Variants in FAM118A observed in about 807,000 individuals in gnomAD.
FAM118A encodes the protein SIR2 antiphage like 2.
Under a neutral mutation model 38.2 loss-of-function variants are expected in FAM118A, and 25 were observed. The observed-to-expected ratio is 0.65, with a 90% CI of 0.48 to 0.91. The LOEUF is 0.91. FAM118A is among the 40% of genes least tolerant of loss of function. The probability of loss-of-function intolerance (pLI) is 0.00; values close to 1 mark genes in which losing one functional copy is unlikely to be tolerated. For missense variants in FAM118A, 425 were observed against 463.3 expected, an observed-to-expected ratio of 0.92 and a Z score of 0.76; for synonymous variants, 178 against 184.1, an observed-to-expected ratio of 0.97 and a Z score of 0.27.
chr22:45,330,749 T>C lies in FAM118A; in HGVS notation c.651+18T>C. On this transcript the variant is annotated intron_variant, in intron 5 of 8. Transcript: ENST00000441876. ...AAGTCATGGTACGGCCCGTCCTAAT[T>C]AGCATCGGTGCGTCCTCTCAGGGAT... is the stretch of plus-strand genomic sequence containing the variant. 1 of 1,526,328 alleles carries C rather than the reference T, an allele frequency of 6.6e-7. No homozygotes were observed. 94.5% of individuals were successfully genotyped at this position (1,526,328 alleles called of 1,614,324 possible). A position where few individuals can be genotyped will look rare whatever the true frequency, so the allele number is the denominator to read the frequency against.
chr22:45,321,461 G>A (rs1336070291), intron 1 of FAM118A: 3 of 151,990 alleles, frequency 2.0e-5, no homozygotes, highest in Non-Finnish European at 4.4e-5. Context: ...GCCCAGGCTG[G>A]AGTGGAGTGG....
intron 1 of FAM118A, chr22:45,322,049 T>A: frequency 2.1e-6 from 1 of 479,818 alleles, no homozygotes; most frequent in South Asian, 2.0e-5. Flanking sequence ...TAGAGCAGTG[T>A]CCCAAGAGAC....
chr22:45,331,260 G>A (rs560983090), intron 5 of FAM118A, among the ~76,000 whole-genome samples: 1 of 152,234 alleles, frequency 6.6e-6, no homozygotes, highest in East Asian at 1.9e-4. Context: ...GGAGGGAGAG[G>A]CTATGGTGAA....
chr22:45,322,544 G>A, intron 2 of FAM118A, 118 bp downstream of exon 2: 1 of 902,066 alleles, frequency 1.1e-6, no homozygotes, highest in South Asian at 1.6e-5. Context: ...GAAACACTGG[G>A]GCATGAGAGA....
chr22:45,326,946 G>A (rs1237845674), intron 3 of FAM118A, among the ~76,000 whole-genome samples: 1 of 151,570 alleles, frequency 6.6e-6, no homozygotes, highest in Non-Finnish European at 1.5e-5. Context: ...GGAGATCAAG[G>A]CTGCAGAGGG....
chr22:45,326,863 A>G (rs932364098), intron 3 of FAM118A, among the ~76,000 whole-genome samples: 14 of 26,224 alleles, frequency 5.3e-4, no homozygotes, highest in Non-Finnish European at 7.6e-4. Context: ...AAAATTAACT[A>G]GGTGTTATGG....
In FAM118A at chr22:45,336,320, T is replaced by C; in HGVS notation, c.971-8T>C. ...AAACAAGCTTCTTAATAAATTCTTCTCTTTTAGGTAATGCATGCCAGGACT... is the reference window on the plus strand; with the variant it reads ...AAACAAGCTTCTTAATAAATTCTTCCCTTTTAGGTAATGCATGCCAGGACT... On this transcript the variant is annotated splice_polypyrimidine_tract_variant and splice_region_variant and intron_variant, in intron 7 of 8. Transcript: ENST00000441876. The C allele has an allele frequency of 6.2e-7, 1 of 1,609,324 alleles. No homozygotes were observed. Among genetic ancestry groups the C allele is most frequent in the Non-Finnish European group, 8.5e-7 (1 of 1,176,556 alleles).
chr22:45,334,804 C>T (rs141694104), intron 6 of FAM118A, among the ~76,000 whole-genome samples: 162 of 152,302 alleles, frequency 1.1e-3, no homozygotes, highest in African/African-American at 3.6e-3. Context: ...AGAGAGGCAG[C>T]GGGCTTTTCT....
At chr22:45,325,338 G>C (rs902702052) in intron 3 of FAM118A, among the ~76,000 whole-genome samples, 1 of 152,226 alleles carries the variant, frequency 6.6e-6, no homozygotes, top group Non-Finnish European at 1.5e-5. Flanking sequence ...TTGAGAGTCG[G>C]AGAACAGGCA....
chr22:45,323,862 C>G (rs1188669942), intron 3 of FAM118A, among the ~76,000 whole-genome samples: 1 of 152,182 alleles, frequency 6.6e-6, no homozygotes, highest in African/African-American at 2.4e-5. Context: ...CAGAGATGAT[C>G]TAGATGATCT....
chr22:45,327,685 C>G (rs1480885965), intron 3 of FAM118A, among the ~76,000 whole-genome samples, 157 bp from the exon 4 acceptor site: 1 of 152,224 alleles, frequency 6.6e-6, no homozygotes, highest in Non-Finnish European at 1.5e-5. Flanking sequence ...GTGAGCATCC[C>G]CTGTCCCCCT....
chr22:45,330,746 A>G lies in FAM118A; in HGVS notation c.651+15A>G, dbSNP rs775530033. 6.5e-7 allele frequency: 1 copy of G among 1,530,066 alleles called. No individual in the cohort carries two copies. Among genetic ancestry groups the G allele is most frequent in the African/African-American group, 1.4e-5 (1 of 71,642 alleles). 94.8% of individuals were successfully genotyped at this position (1,530,066 alleles called of 1,614,324 possible). On this transcript the variant is annotated intron_variant, in intron 5 of 8. Coordinates refer to ENST00000441876, the MANE Select transcript of FAM118A (RefSeq NM_017911.4). Reference sequence around the variant, plus strand: ...CAGAAGTCATGGTACGGCCCGTCCTAATTAGCATCGGTGCGTCCTCTCAGG... The same window carrying G: ...CAGAAGTCATGGTACGGCCCGTCCTGATTAGCATCGGTGCGTCCTCTCAGG...
At chr22:45,329,300 A>T (rs2085533847) in intron 4 of FAM118A, 2 of 152,206 alleles carry the variant, frequency 1.3e-5, no homozygotes, top group Admixed American at 6.5e-5. Flanking sequence ...AAATTACCAA[A>T]TTGTTTTCCA....
chr22:45,334,283 C>T (rs2085932089), intron 6 of FAM118A, among the ~76,000 whole-genome samples: 1 of 152,168 alleles, frequency 6.6e-6, no homozygotes, highest in Non-Finnish European at 1.5e-5. Flanking sequence ...AAGGCCTGTG[C>T]TGGCTCGTTT....
At chr22:45,336,914 G>A (rs2086142887) in intron 8 of FAM118A, among the ~76,000 whole-genome samples, 1 of 152,180 alleles carries the variant, frequency 6.6e-6, no homozygotes, top group African/African-American at 2.4e-5. Context: ...ACTCATTTGA[G>A]CTTTGTTGCC....
chr22:45,333,088 T>A (rs1163784570), intron 6 of FAM118A, among the ~76,000 whole-genome samples: 2 of 152,096 alleles, frequency 1.3e-5, no homozygotes, highest in East Asian at 1.9e-4. Context: ...CTTCCAGTTG[T>A]TTCTCTCTGT....
At chr22:45,316,181 A>G (rs2084598393) in intron 1 of FAM118A, among the ~76,000 whole-genome samples, 1 of 152,182 alleles carries the variant, frequency 6.6e-6, no homozygotes, top group African/African-American at 2.4e-5. Context: ...CTGGGATTAC[A>G]GGTGCGCACC....
In FAM118A at chr22:45,323,210, A is replaced by C; in HGVS notation, c.83A>C (p.Gln28Pro). 1 of 1,613,816 alleles carries C rather than the reference A, an allele frequency of 6.2e-7. No individual in the cohort carries two copies. The highest frequency in any genetic ancestry group is 8.5e-7 in the Non-Finnish European group (1 of 1,179,678). ...AAAAGCCTCATCCGGAAACAGCCCC[A>C]GGAACTGCTCCTGGTTATCGGGACT... ...FLKSLIRKQP[Q>P]ELLLVIGTGV... is the part of the protein sequence containing the mutation. Residue 28 changes from glutamine (Q) to proline (P), a missense_variant, in exon 3 of 9, where the codon CAG becomes CCG. Coordinates refer to ENST00000441876, the MANE Select transcript of FAM118A (RefSeq NM_017911.4).
At chr22:45,334,290 G>A (rs1026445829) in intron 6 of FAM118A, among the ~76,000 whole-genome samples, 1 of 152,176 alleles carries the variant, frequency 6.6e-6, no homozygotes, top group African/African-American at 2.4e-5. Flanking sequence ...GTGCTGGCTC[G>A]TTTAATTGTA....
Sources: gnomAD v4.1 joint callset for allele counts (sites outside exome capture counted in the v4.1 genomes callset) on GRCh38, gnomAD v4.1.1 for gene constraint, MANE v1.5 for transcripts, NCBI Gene and HGNC (gene_info 2026-07-23, HGNC 2026-07-21) for gene names.